BMP2K: variants seen among roughly 807,000 people sequenced by gnomAD.
BMP2K encodes the protein BMP2 inducible kinase.
A neutral mutation model predicts 116.0 loss-of-function variants in BMP2K; 74 were observed. The observed-to-expected ratio is 0.64, with a 90% confidence interval of 0.53 to 0.77. The LOEUF is 0.77. BMP2K is among the 30% of genes least tolerant of loss of function. The pLI is 0.00. For synonymous variants in BMP2K, 486 were observed against 502.5 expected (o/e 0.97, Z 0.44); for missense variants, 1,365 against 1,403.6 (o/e 0.97, Z 0.44).
chr4:78,888,856 G>C (rs1394787466), intron 15 of BMP2K, among the ~76,000 whole-genome samples: 1 of 152,122 alleles, frequency 6.6e-6, no homozygotes, highest in Non-Finnish European at 1.5e-5. Context: ...TTCATTGAAT[G>C]TGCAGAAAAA....
At chr4:78,875,222 C>T (rs1472077959) in intron 13 of BMP2K, among the ~76,000 whole-genome samples, 1 of 152,014 alleles carries the variant, frequency 6.6e-6, no homozygotes, top group Non-Finnish European at 1.5e-5. Flanking sequence ...AACTAATGTT[C>T]CTGCTTATGA....
intron 1 of BMP2K, among the ~76,000 whole-genome samples, chr4:78,799,333 A>T (rs1728455320): frequency 6.6e-6 from 1 of 152,082 alleles, no homozygotes; most frequent in Non-Finnish European, 1.5e-5. Flanking sequence ...AAACCTACAT[A>T]TGGTTTCAGA....
At chr4:78,852,837 C>T (rs1017726825) in intron 7 of BMP2K, among the ~76,000 whole-genome samples, 3 of 152,096 alleles carry the variant, frequency 2.0e-5, no homozygotes, top group Admixed American at 6.6e-5. Context: ...CTCCTGGCCT[C>T]GAGCAGTCCT....
In BMP2K at chr4:78,836,989, GT is replaced by G. The variant is rs1381688069; in HGVS notation, c.403+3307del. 6.6e-5 allele frequency among the ~76,000 whole-genome samples: 10 copies of G among 152,006 alleles called. 1 individual carries two copies. Among genetic ancestry groups the G allele is most frequent in the Admixed American group, 5.2e-4 (8 of 15,272 alleles). ...TCATTTTTGGTATGCTTTTTGTGGCGTTTTTGTCTTCTATTTTCTGTTCTCT... is the reference window on the plus strand; with the variant it reads ...TCATTTTTGGTATGCTTTTTGTGGCGTTTTGTCTTCTATTTTCTGTTCTCT... On this transcript the variant is annotated intron_variant, in intron 3 of 15. Transcript: ENST00000502613.
chr4:78,824,329 G>C (rs1277223599), intron 1 of BMP2K, among the ~76,000 whole-genome samples: 2 of 152,190 alleles, frequency 1.3e-5, no homozygotes, highest in Non-Finnish European at 2.9e-5. Context: ...AATTTATAAA[G>C]GAAAGAGATT....
intron 1 of BMP2K, among the ~76,000 whole-genome samples, chr4:78,791,960 C>T (rs113371512): frequency 0.047 from 7,151 of 152,092 alleles, 584 homozygotes; most frequent in African/African-American, 0.16. Flanking sequence ...GGTATATATC[C>T]GGAAGGGAAT....
rs76025450 is a variant in BMP2K at position 78,815,109 on chromosome 4, T to C, written c.179-10928T>C. Among the ~76,000 whole-genome samples the C allele has an allele frequency of 5.6e-3, 849 of 152,306 alleles. 10 individuals carry two copies. Among genetic ancestry groups the C allele is most frequent in the African/African-American group, 0.019 (804 of 41,572 alleles). ...AATAAAGGTCATTCCTTTTCTCCTGTTACTACTTTATCTTTAGGCCTCATA... is the reference window on the plus strand; with the variant it reads ...AATAAAGGTCATTCCTTTTCTCCTGCTACTACTTTATCTTTAGGCCTCATA... On this transcript the variant is annotated intron_variant, in intron 1 of 15. Coordinates refer to ENST00000502613, the MANE Select transcript of BMP2K (RefSeq NM_198892.2).
intron 15 of BMP2K, among the ~76,000 whole-genome samples, chr4:78,905,175 T>C (rs2110100923): frequency 6.6e-6 from 1 of 151,994 alleles, no homozygotes; most frequent in South Asian, 2.1e-4. Context: ...TTAAGTTTTG[T>C]TTACAGATAT....
chr4:78,776,565 C>T lies in BMP2K; in HGVS notation c.22C>T (p.Pro8Ser), dbSNP rs1233542756. The change falls in exon 1 of 16, where the codon CCC becomes TCC. Residue 8 changes from proline to serine, a missense_variant. By Grantham distance (74) the Pro-to-Ser change is moderately conservative. Coordinates refer to ENST00000502613, the MANE Select transcript of BMP2K (RefSeq NM_198892.2). Reference protein sequence around the residue: MKKFSRMPKSEGGSGGGA... With the variant: MKKFSRMSKSEGGSGGGA... ...GACCATGAAGAAGTTCTCTCGGATG[C>T]CCAAGTCGGAGGGCGGCAGCGGCGG... The T allele has an allele frequency of 2.6e-6, 3 of 1,154,750 alleles. No homozygotes were observed. Among genetic ancestry groups the T allele is most frequent in the Admixed American group, 4.8e-5 (1 of 21,014 alleles). 71.5% of individuals were successfully genotyped at this position (1,154,750 alleles called of 1,614,324 possible).
At chr4:78,861,980 A>G (rs1359012571) in intron 9 of BMP2K, among the ~76,000 whole-genome samples, 2 of 151,868 alleles carry the variant, frequency 1.3e-5, no homozygotes, top group Non-Finnish European at 2.9e-5. Context: ...AGTTTGAACT[A>G]TATTATGTAA....
intron 7 of BMP2K, among the ~76,000 whole-genome samples, chr4:78,856,548 A>G (rs1183119419): frequency 1.3e-5 from 2 of 152,040 alleles, no homozygotes; most frequent in Non-Finnish European, 2.9e-5. Flanking sequence ...ATAATATTCA[A>G]TTTAGAAATA....
chr4:78,898,441 G>C (rs909159038), intron 15 of BMP2K, among the ~76,000 whole-genome samples: 3 of 151,562 alleles, frequency 2.0e-5, no homozygotes, highest in African/African-American at 7.3e-5. Flanking sequence ...GTTATATATT[G>C]AATTAAACTG....
At chr4:78,829,161 C>A (rs1325067028) in intron 2 of BMP2K, among the ~76,000 whole-genome samples, 1 of 152,194 alleles carries the variant, frequency 6.6e-6, no homozygotes, top group Non-Finnish European at 1.5e-5. Context: ...AGCACTTTAT[C>A]CACAGTAGGA....
At chr4:78,829,807 CT>C (rs1560518803) in intron 2 of BMP2K, among the ~76,000 whole-genome samples, 1 of 133,824 alleles carries the variant, frequency 7.5e-6, no homozygotes, top group Non-Finnish European at 1.5e-5. Flanking sequence ...CTTCTCTTCT[CT>C]TCTCTTCTCT....
rs186778602 is a variant in BMP2K, at chr4:78,835,613, G to A, written c.403+1926G>A. On this transcript the variant is annotated intron_variant, in intron 3 of 15. Transcript: ENST00000502613. ...CACTGCACTCCAGCCTGGGCACATA[G>A]CGAGACTCCGTGTCAAAAAAAAAAA... Among the ~76,000 whole-genome samples, 6 of 141,096 alleles carry A rather than the reference G, an allele frequency of 4.3e-5. No homozygotes were observed. The East Asian group carries it at 1.0e-3, about 25-fold the overall frequency. 92.6% of individuals were successfully genotyped at this position (141,096 alleles called of 152,430 possible).
At chr4:78,896,001 A>G (rs769648788) in intron 15 of BMP2K, among the ~76,000 whole-genome samples, 2 of 152,130 alleles carry the variant, frequency 1.3e-5, no homozygotes, top group Non-Finnish European at 2.9e-5. Flanking sequence ...GGTTCAAGCA[A>G]TCCTGCCTTG....
rs113013250 is a variant in BMP2K, at chr4:78,874,602, C to G, written c.1793+1804C>G. On this transcript the variant is annotated intron_variant, in intron 13 of 15. Coordinates refer to ENST00000502613, the MANE Select transcript of BMP2K (RefSeq NM_198892.2). Reference sequence around the variant, plus strand: ...GGAAAATAGAAAAGATATTAACTGTCTTCTCTGACGTAGCATATATATTGT... The same window carrying G: ...GGAAAATAGAAAAGATATTAACTGTGTTCTCTGACGTAGCATATATATTGT... Among the ~76,000 whole-genome samples, 3 of 152,226 alleles carry G rather than the reference C, an allele frequency of 2.0e-5. 1 individual carries two copies. Among genetic ancestry groups the G allele is most frequent in the Admixed American group, 6.5e-5 (1 of 15,306 alleles).
At chr4:78,892,775 A>G (rs530271495) in intron 15 of BMP2K, among the ~76,000 whole-genome samples, 1 of 152,296 alleles carries the variant, frequency 6.6e-6, no homozygotes, top group African/African-American at 2.4e-5. Flanking sequence ...TCTGTTAAGT[A>G]TGCAATAATA....
intron 1 of BMP2K, among the ~76,000 whole-genome samples, chr4:78,782,882 C>A (rs537248128): frequency 6.6e-6 from 1 of 152,190 alleles, no homozygotes; most frequent in Non-Finnish European, 1.5e-5. Flanking sequence ...TTACTCAGCA[C>A]CCTTTTTTGT....
Sources: gnomAD v4.1 joint callset for allele counts (sites outside exome capture counted in the v4.1 genomes callset) on GRCh38, gnomAD v4.1.1 for gene constraint, MANE v1.5 for transcripts, NCBI Gene and HGNC (gene_info 2026-07-23, HGNC 2026-07-21) for gene names.